Variants in MEGF6 observed in about 807,000 individuals in gnomAD.
MEGF6 encodes the protein multiple epidermal growth factor-like domains protein 6.
A neutral mutation model predicts 207.1 loss-of-function variants in MEGF6; 184 were observed. The ratio of observed to expected loss-of-function variants is 0.89; its 90% CI spans 0.79 to 1.00. The LOEUF (loss-of-function observed/expected upper bound fraction) is 1.00, where lower values mean the gene tolerates loss of function less well. MEGF6 is among the 50% of genes least tolerant of loss of function. MEGF6 has a pLI of 0.00. For synonymous variants in MEGF6, 1,038 were observed against 910.0 expected, an observed-to-expected ratio of 1.14 and a Z score of -2.53; for missense variants, 2,282 against 2,202.9, an observed-to-expected ratio of 1.04 and a Z score of -0.72.
At position 3,489,385 on chromosome 1, in the gene MEGF6, G is replaced by A. The variant is rs933068009; in HGVS notation, c.*1143C>T. On this transcript the variant is annotated 3_prime_UTR_variant, in exon 37 of 37. Transcript: ENST00000356575. The stretch of plus-strand genomic sequence containing the variant: ...TAAGGGAGAGAGAGTCCTATGTTGC[G>A]GTGTGAGTGCAGCCCTCTCCATTGG... 4.6e-5 allele frequency among the ~76,000 whole-genome samples: 7 copies of A among 152,198 alleles called. No homozygotes were observed. The highest frequency in any genetic ancestry group is 2.0e-4 in the Admixed American group (3 of 15,286).
chr1:3,491,134 G>C lies in MEGF6; in HGVS notation c.4517-175C>G, dbSNP rs902108810. On this transcript the variant is annotated intron_variant, in intron 35 of 36. Transcript: ENST00000356575. ...AAGGAACGGGGGCGGGAGCTGGGGG[G>C]GGGGGCTCTCCCTCTCCCCATAGGA... 3.3e-5 allele frequency among the ~76,000 whole-genome samples: 5 copies of C among 152,046 alleles called. No homozygotes were observed. The East Asian group carries it at 5.8e-4, about 18-fold the overall frequency.
intron 13 of MEGF6, 28 bp downstream of exon 13, chr1:3,508,530 G>A: frequency 6.2e-7 from 1 of 1,602,388 alleles, no homozygotes; most frequent in Non-Finnish European, 8.5e-7. Context: ...CCCCTTCCCA[G>A]CCCCCAGCCC....
At position 3,510,792 on chromosome 1, in the gene MEGF6, C is replaced by G; in HGVS notation, c.1225G>C (p.Gly409Arg). Residue 409 changes from glycine to arginine, a missense_variant, in exon 10 of 37, where the codon GGC (glycine) becomes CGC (arginine). Transcript: ENST00000356575. ...GCAGGGCAGTGCTCACCCTCACAGC[C>G]GCAGCCATCGGCACTGAGCCGGTAG... Reference protein sequence around the residue: ...AGYRLSADGCGCEDVDECASS... With the variant: ...AGYRLSADGCRCEDVDECASS... The G allele has an allele frequency of 6.2e-7, 1 of 1,605,012 alleles. No homozygotes were observed. The highest frequency in any genetic ancestry group is 1.3e-5 in the African/African-American group (1 of 74,926).
chr1:3,597,618 T>G (rs1644089403), intron 2 of MEGF6, among the ~76,000 whole-genome samples: 2 of 152,120 alleles, frequency 1.3e-5, no homozygotes, highest in East Asian at 1.9e-4. Flanking sequence ...GAGGGAAATT[T>G]GGACGCAGGC....
intron 10 of MEGF6, among the ~76,000 whole-genome samples, 170 bp downstream of exon 10, chr1:3,510,613 C>T (rs1641306289): frequency 1.3e-5 from 2 of 151,470 alleles, no homozygotes; most frequent in African/African-American, 2.4e-5. Flanking sequence ...ACACCCACCA[C>T]AGCCCTGCAC....
intron 3 of MEGF6, 120 bp downstream of exon 3, chr1:3,595,218 T>C (rs1557805234): frequency 6.0e-6 from 4 of 670,630 alleles, no homozygotes; most frequent in Non-Finnish European, 1.0e-5. Context: ...GAGTGTTCCC[T>C]GAGTCTCTCG....
chr1:3,502,855 G>A (rs961915825), intron 17 of MEGF6, among the ~76,000 whole-genome samples: 6 of 152,214 alleles, frequency 3.9e-5, no homozygotes. Flanking sequence ...CAGAGCATGA[G>A]GCTAGCCGGG....
At chr1:3,512,167 AG>A in intron 7 of MEGF6, 39 bp from the exon 8 acceptor site, 1 of 1,565,280 alleles carries the variant, frequency 6.4e-7, no homozygotes, top group Non-Finnish European at 8.7e-7. Context: ...CAGAGGTGCC[AG>A]GAAGGGCCTT....
At chr1:3,584,677 T>C (rs1643869164) in intron 3 of MEGF6, among the ~76,000 whole-genome samples, 1 of 152,110 alleles carries the variant, frequency 6.6e-6, no homozygotes, top group Admixed American at 6.5e-5. Flanking sequence ...AGCAGAAACC[T>C]CCAGGGGACA....
intron 4 of MEGF6, among the ~76,000 whole-genome samples, chr1:3,557,682 G>A (rs1045245898): frequency 1.3e-5 from 2 of 152,232 alleles, no homozygotes; most frequent in African/African-American, 2.4e-5. Context: ...GCGGAGCACC[G>A]AGGGATGCCC....
intron 14 of MEGF6, among the ~76,000 whole-genome samples, chr1:3,507,444 C>G (rs993547340): frequency 6.6e-6 from 1 of 152,198 alleles, no homozygotes; most frequent in Non-Finnish European, 1.5e-5. Flanking sequence ...CCAGCCATCA[C>G]CAGCTCTACT....
the MEGF6 span, among the ~76,000 whole-genome samples, chr1:3,619,158 T>C: frequency 6.6e-6 from 1 of 152,256 alleles, no homozygotes; most frequent in Admixed American, 6.5e-5. Flanking sequence ...CTGCGCCCTC[T>C]AATTGGAAGA....
At chr1:3,539,119 C>T (rs1393112615) in intron 4 of MEGF6, among the ~76,000 whole-genome samples, 2 of 152,148 alleles carry the variant, frequency 1.3e-5, no homozygotes, top group East Asian at 3.9e-4. Context: ...CAGGGAAAGG[C>T]CTGGGCCGAA....
At chr1:3,523,074 CGG>C (rs146272853) in intron 5 of MEGF6, among the ~76,000 whole-genome samples, 9 of 148,088 alleles carry the variant, frequency 6.1e-5, no homozygotes, top group African/African-American at 1.7e-4. Context: ...GAGTGTGTGC[CGG>C]GGGGGGGGCC....
intron 5 of MEGF6, among the ~76,000 whole-genome samples, chr1:3,517,378 G>A (rs1002949377): frequency 6.6e-6 from 1 of 152,182 alleles, no homozygotes; most frequent in East Asian, 1.9e-4. Context: ...CCAGGGCGGG[G>A]GGATCAGAGG....
At chr1:3,519,008 G>A (rs989856852) in intron 5 of MEGF6, among the ~76,000 whole-genome samples, 8 of 152,218 alleles carry the variant, frequency 5.3e-5, no homozygotes, top group African/African-American at 1.9e-4. Flanking sequence ...CTGAGCCCAT[G>A]ATGTCACCCC....
Position 3,540,337 on chromosome 1 carries a change from A to G in MEGF6, c.482-16091T>C, listed in dbSNP as rs545105534. Among the ~76,000 whole-genome samples the G allele has an allele frequency of 2.6e-5, 4 of 152,324 alleles. No homozygotes were observed. In the East Asian group the frequency reaches 7.7e-4, roughly 29 times the overall value. ...TGCTGCCATCCTGCCTGGAAGGAAC[A>G]CACCTTGCAGCCGGGTTTCCCGCTG... On this transcript the variant is annotated intron_variant, in intron 4 of 36. Coordinates refer to ENST00000356575, the MANE Select transcript of MEGF6 (RefSeq NM_001409.4).
chr1:3,595,311 G>C (rs1644043441), intron 3 of MEGF6, 27 bp downstream of exon 3: 1 of 1,536,088 alleles, frequency 6.5e-7, no homozygotes, highest in Non-Finnish European at 9.0e-7. Flanking sequence ...GGTGGAGGGA[G>C]GGCGGGGAGG....
At chr1:3,602,841 G>C (rs1644182600) in intron 1 of MEGF6, among the ~76,000 whole-genome samples, 1 of 152,202 alleles carries the variant, frequency 6.6e-6, no homozygotes, top group Non-Finnish European at 1.5e-5. Flanking sequence ...ATGGCCCACA[G>C]CGTGGATCCT....
Sources: gnomAD v4.1 joint callset for allele counts (sites outside exome capture counted in the v4.1 genomes callset) on GRCh38, gnomAD v4.1.1 for gene constraint, MANE v1.5 for transcripts, NCBI Gene and HGNC (gene_info 2026-07-23, HGNC 2026-07-21) for gene names.